The following MAML3 variants were observed in gnomAD, a reference collection of about 807,000 sequenced individuals.
MAML3 encodes the protein mastermind-like protein 3.
In MAML3, 27 loss-of-function variants were observed where a neutral mutation model predicts 101.9. The observed-to-expected ratio is 0.27, with a 90% CI of 0.20 to 0.37. MAML3 has a LOEUF of 0.37. Ranked by LOEUF, MAML3 falls within the 10% of genes least tolerant of loss-of-function variation. MAML3 has a pLI of 1.00. For missense variants in MAML3, 1,316 were observed against 1,444.9 expected (o/e 0.91, Z 1.45); for synonymous variants, 501 against 555.9 (o/e 0.90, Z 1.39).
intron 1 of MAML3, among the ~76,000 whole-genome samples, chr4:140,136,087 G>C (rs931390742): frequency 6.6e-6 from 1 of 152,162 alleles, no homozygotes; most frequent in Non-Finnish European, 1.5e-5. Flanking sequence ...CCCTCACACT[G>C]ATCTCTGGTG....
rs1728124500 is a variant in MAML3, at chr4:139,719,312, G to A, written c.*11C>T. On this transcript the variant is annotated 3_prime_UTR_variant, in exon 5 of 5. Transcript: ENST00000509479. The stretch of plus-strand genomic sequence containing the variant: ...AACCACTCGAGTTGTGGATCTTGGG[G>A]CCTCTCTTGATTAGGGGTTACCAAA... 1 of 1,554,144 alleles carries A rather than the reference G, an allele frequency of 6.4e-7. No individual in the cohort carries two copies. Among genetic ancestry groups the A allele is most frequent in the Non-Finnish European group, 8.7e-7 (1 of 1,148,860 alleles).
At chr4:139,976,639 T>C (rs2110801401) in intron 1 of MAML3, among the ~76,000 whole-genome samples, 1 of 152,354 alleles carries the variant, frequency 6.6e-6, no homozygotes, top group East Asian at 1.9e-4. Flanking sequence ...GGTTAGTATG[T>C]ACTTAAGATA....
intron 1 of MAML3, among the ~76,000 whole-genome samples, chr4:139,941,160 A>G (rs1322034677): frequency 6.6e-6 from 1 of 152,152 alleles, no homozygotes; most frequent in African/African-American, 2.4e-5. Context: ...CTCTTTTTAG[A>G]TTTAGCTGTA....
intron 2 of MAML3, among the ~76,000 whole-genome samples, chr4:139,850,870 A>T (rs572865975): frequency 6.6e-6 from 1 of 152,076 alleles, no homozygotes; most frequent in African/African-American, 2.4e-5. Flanking sequence ...ACATATACTT[A>T]TGTTAAGACA....
intron 2 of MAML3, among the ~76,000 whole-genome samples, chr4:139,853,032 C>T (rs1000528177): frequency 1.3e-5 from 2 of 152,330 alleles, no homozygotes; most frequent in South Asian, 4.1e-4. Context: ...CACTTTACTA[C>T]TACCCTCTTG....
At chr4:140,032,835 A>G (rs1013371283) in intron 1 of MAML3, among the ~76,000 whole-genome samples, 6 of 151,396 alleles carry the variant, frequency 4.0e-5, no homozygotes, top group Admixed American at 2.6e-4. Context: ...CTTACAATGA[A>G]TTTATGTCAT....
At chr4:140,097,278 T>C (rs1231316874) in intron 1 of MAML3, among the ~76,000 whole-genome samples, 3 of 152,210 alleles carry the variant, frequency 2.0e-5, no homozygotes, top group Non-Finnish European at 4.4e-5. Flanking sequence ...GATAATCTTC[T>C]TTTGGTCTTG....
chr4:139,787,360 T>A (rs75583277), intron 2 of MAML3, among the ~76,000 whole-genome samples: 1,653 of 152,362 alleles, frequency 0.011, 25 homozygotes, highest in African/African-American at 0.037. Flanking sequence ...TCACTAAGTG[T>A]TGCCTTTTTA....
intron 1 of MAML3, among the ~76,000 whole-genome samples, chr4:140,012,375 C>A (rs1726577272): frequency 6.6e-6 from 1 of 152,170 alleles, no homozygotes; most frequent in Non-Finnish European, 1.5e-5. Flanking sequence ...CTCAAGATCT[C>A]TGTTGTCTCA....
chr4:139,852,988 T>C (rs766759443), intron 2 of MAML3, among the ~76,000 whole-genome samples: 5 of 152,202 alleles, frequency 3.3e-5, no homozygotes, highest in Non-Finnish European at 5.9e-5. Flanking sequence ...GTAATGTATG[T>C]GAAAGTGATT....
chr4:139,852,806 A>T (rs1260391739), intron 2 of MAML3, among the ~76,000 whole-genome samples: 1 of 152,120 alleles, frequency 6.6e-6, no homozygotes, highest in Admixed American at 6.5e-5. Flanking sequence ...AAAATGCAGC[A>T]TTCTGGTTAT....
chr4:139,972,424 A>G (rs955524088), intron 1 of MAML3, among the ~76,000 whole-genome samples: 15 of 152,232 alleles, frequency 9.9e-5, no homozygotes, highest in African/African-American at 3.1e-4. Context: ...CTTATCAGAA[A>G]ACAGAGGCCC....
chr4:139,916,735 A>G (rs768591225), intron 1 of MAML3, among the ~76,000 whole-genome samples: 1 of 152,188 alleles, frequency 6.6e-6, no homozygotes, highest in Non-Finnish European at 1.5e-5. Context: ...CCTCTTATTC[A>G]TAAGATAAGG....
intron 1 of MAML3, among the ~76,000 whole-genome samples, chr4:139,916,461 G>A (rs1196245470): frequency 1.3e-5 from 2 of 152,196 alleles, no homozygotes; most frequent in Non-Finnish European, 2.9e-5. Flanking sequence ...CCACCTGTGT[G>A]GGGTCATGGT....
chr4:139,840,516 G>C (rs954434340), intron 2 of MAML3, among the ~76,000 whole-genome samples: 2 of 152,216 alleles, frequency 1.3e-5, no homozygotes, highest in African/African-American at 4.8e-5. Context: ...GTGAGCAGCG[G>C]CTAGATGAAA....
chr4:139,859,341 C>T (rs984342456), intron 2 of MAML3, among the ~76,000 whole-genome samples: 2 of 151,234 alleles, frequency 1.3e-5, no homozygotes, highest in African/African-American at 2.4e-5. Context: ...ATCCTCCTGC[C>T]GGAGTAGCAT....
At chr4:139,801,065 A>T (rs1343156177) in intron 2 of MAML3, among the ~76,000 whole-genome samples, 1 of 152,230 alleles carries the variant, frequency 6.6e-6, no homozygotes, top group Non-Finnish European at 1.5e-5. Flanking sequence ...GAATCTGCTT[A>T]CTTCTTAGAA....
At chr4:139,860,377 G>A (rs1008217642) in intron 2 of MAML3, among the ~76,000 whole-genome samples, 4 of 152,196 alleles carry the variant, frequency 2.6e-5, no homozygotes, top group African/African-American at 7.2e-5. Flanking sequence ...CATTTCCTGC[G>A]CCCTGGAGCC....
chr4:139,849,442 C>T (rs1731509801), intron 2 of MAML3, among the ~76,000 whole-genome samples: 1 of 152,086 alleles, frequency 6.6e-6, no homozygotes, highest in East Asian at 1.9e-4. Flanking sequence ...ACAAGAAACA[C>T]GGGGCAGAGA....
Sources: gnomAD v4.1 joint callset for allele counts (sites outside exome capture counted in the v4.1 genomes callset) on GRCh38, gnomAD v4.1.1 for gene constraint, MANE v1.5 for transcripts, NCBI Gene and HGNC (gene_info 2026-07-23, HGNC 2026-07-21) for gene names.